Variants in EIF3B observed in about 807,000 individuals in gnomAD.
The protein encoded by EIF3B is eukaryotic translation initiation factor 3 subunit B.
EIF3B carries 10 observed loss-of-function variants against 104.6 expected under a neutral mutation model. The observed-to-expected ratio is 0.10, with a 90% CI of 0.06 to 0.16. The LOEUF is 0.16. Ranked by LOEUF, EIF3B falls within the 10% of genes least tolerant of loss-of-function variation. The pLI, the probability that EIF3B is intolerant of heterozygous loss-of-function variation, is 1.00. For synonymous variants in EIF3B, 542 were observed against 417.2 expected, an observed-to-expected ratio of 1.30 and a Z score of -3.65; for missense variants, 1,014 against 1,087.9, an observed-to-expected ratio of 0.93 and a Z score of 0.96.
At chr7:2,355,597 G>C (rs1158901633) in intron 1 of EIF3B, among the ~76,000 whole-genome samples, 177 bp downstream of exon 1, 1 of 152,298 alleles carries the variant, frequency 6.6e-6, no homozygotes, top group East Asian at 1.9e-4. Flanking sequence ...AGTGTTCTGA[G>C]AGCCCAGCGC....
intron 6 of EIF3B, among the ~76,000 whole-genome samples, chr7:2,365,114 G>A (rs191632629): frequency 6.6e-6 from 1 of 152,320 alleles, no homozygotes; most frequent in Admixed American, 6.5e-5. Context: ...CATGACATAT[G>A]GCTAATTTTA....
intron 1 of EIF3B, among the ~76,000 whole-genome samples, chr7:2,357,753 C>T (rs146526196): frequency 5.5e-4 from 83 of 152,264 alleles, no homozygotes; most frequent in African/African-American, 2.0e-3. Flanking sequence ...GTGATCAAGG[C>T]GTTGTGTCTT....
intron 6 of EIF3B, 35 bp downstream of exon 6, chr7:2,364,564 A>G: frequency 6.3e-7 from 1 of 1,581,374 alleles, no homozygotes; most frequent in Non-Finnish European, 8.6e-7. Context: ...GAGTCTATGC[A>G]TTTCACCCCA....
chr7:2,374,319 C>CG (rs921447763), intron 12 of EIF3B: 9 of 496,836 alleles, frequency 1.8e-5, no homozygotes, highest in Non-Finnish European at 3.3e-5. Context: ...ATACCCCTGT[C>CG]GCATCTTCTT....
At position 2,362,022 on chromosome 7, in the gene EIF3B, C is replaced by G. The variant is rs184955153; in HGVS notation, c.693-623C>G. On this transcript the variant is annotated intron_variant, in intron 2 of 18. Coordinates refer to ENST00000360876, the MANE Select transcript of EIF3B (RefSeq NM_001037283.2). ...TCACCCAGGCTGGAGTGCAGTGGCA[C>G]GATCTTGGCTCACTGCAACCTCCGC... 9.7e-3 allele frequency among the ~76,000 whole-genome samples: 1,460 copies of G among 150,592 alleles called. 20 individuals are homozygous for G. Among genetic ancestry groups the G allele is most frequent in the African/African-American group, 0.029 (1,193 of 40,974 alleles).
At position 2,362,777 on chromosome 7, in the gene EIF3B, T is replaced by G; in HGVS notation, c.812+13T>G. 1 of 1,614,076 alleles carries G rather than the reference T, an allele frequency of 6.2e-7. No individual in the cohort carries two copies. The highest frequency in any genetic ancestry group is 8.5e-7 in the Non-Finnish European group (1 of 1,180,002). Reference sequence around the variant, plus strand: ...CGGATTTTGACAAGTGAGTTCAGACTTGGCCACAAGGAAGTGGACGTTGAC... The same window carrying G: ...CGGATTTTGACAAGTGAGTTCAGACGTGGCCACAAGGAAGTGGACGTTGAC... On this transcript the variant is annotated intron_variant, in intron 3 of 18. Coordinates refer to ENST00000360876, the MANE Select transcript of EIF3B (RefSeq NM_001037283.2).
chr7:2,366,198 T>G, intron 6 of EIF3B, 119 bp from the exon 7 acceptor site: 7 of 1,057,770 alleles, frequency 6.6e-6, no homozygotes, highest in African/African-American at 1.6e-5. Context: ...GGCCGGGCAG[T>G]GTGGGGTTTG....
intron 1 of EIF3B, among the ~76,000 whole-genome samples, chr7:2,358,692 C>T (rs1779583359): frequency 6.6e-6 from 1 of 151,830 alleles, no homozygotes; most frequent in Non-Finnish European, 1.5e-5. Context: ...ATGCTTGGAT[C>T]ATTTTTCTCG....
Position 2,379,218 on chromosome 7 carries a change from A to G in EIF3B, c.2317A>G (p.Asn773Asp). ...CCAGGAGCTCTATATGGAGCAGAAA[A>G]ACGAGCGCCTGGAGTTGCGAGGAGG... ...MAQELYMEQK[N>D]ERLELRGGVD... The change falls in exon 17 of 19, where the codon AAC (asparagine) becomes GAC (aspartate). Residue 773 changes from asparagine to aspartate, a missense_variant. By Grantham distance (23) the Asn-to-Asp change is conservative. This residue lies in a region of EIF3B where 266 missense variants were observed against 324.0 expected (regional missense o/e 0.82). Transcript: ENST00000360876. The G allele has an allele frequency of 1.9e-6, 3 of 1,613,202 alleles. No individual in the cohort carries two copies. The highest frequency in any genetic ancestry group is 2.5e-6 in the Non-Finnish European group (3 of 1,179,626).
Position 2,366,301 on chromosome 7 carries a change from T to C in EIF3B, c.1158-16T>C. 6.3e-7 allele frequency: 1 copy of C among 1,592,730 alleles called. No homozygotes were observed. The highest frequency in any genetic ancestry group is 1.8e-5 in the Admixed American group (1 of 57,104). ...GTGAGAGGAGGATAGTGTACAGTGT[T>C]GCCCTTCTCTTCTAGGTACCTGGTG... On this transcript the variant is annotated splice_polypyrimidine_tract_variant and intron_variant, in intron 6 of 18. Coordinates refer to ENST00000360876, the MANE Select transcript of EIF3B (RefSeq NM_001037283.2).
Position 2,375,460 on chromosome 7 carries a change from C to T in EIF3B, c.1961C>T (p.Ala654Val). ...TVMNIAEHYM[A>V]SDVEWDPTGR... The stretch of plus-strand genomic sequence containing the variant: ...ATGAACATCGCAGAGCACTACATGG[C>T]TTCCGACGTCGAATGGGATCCTACT... The change falls in exon 14 of 19, where the codon GCT (alanine) becomes GTT (valine). Residue 654 changes from alanine (A) to valine (V), a missense_variant. Physicochemically the swap from Ala to Val is moderately conservative, Grantham distance 64. This residue lies in a region of EIF3B where 266 missense variants were observed against 324.0 expected (regional missense o/e 0.82). Coordinates refer to ENST00000360876, the MANE Select transcript of EIF3B (RefSeq NM_001037283.2). 1 of 1,614,216 alleles carries T rather than the reference C, an allele frequency of 6.2e-7. No homozygotes were observed. Among genetic ancestry groups the T allele is most frequent in the Non-Finnish European group, 8.5e-7 (1 of 1,180,036 alleles).
In EIF3B at chr7:2,380,239, A is replaced by G. The variant is rs765440053; in HGVS notation, c.*50A>G. 3 of 457,150 alleles carry G rather than the reference A, an allele frequency of 6.6e-6. No homozygotes were observed. Among genetic ancestry groups the G allele is most frequent in the Non-Finnish European group, 1.3e-5 (3 of 229,124 alleles). The allele number at this position is 457,150 out of a possible 1,614,324, so 28.3% of individuals were successfully genotyped here. ...CCGCCTGCTGTTCCCGCGCTGAGCT[A>G]CAGGACTCCCGAGTGTGAGCCGCGG... On this transcript the variant is annotated 3_prime_UTR_variant, in exon 19 of 19. Transcript: ENST00000360876.
chr7:2,375,145 T>G, intron 13 of EIF3B: 1 of 526,516 alleles, frequency 1.9e-6, no homozygotes, highest in Non-Finnish European at 3.4e-6. Context: ...GGAGGCTTAC[T>G]TAGCCTCAGA....
chr7:2,374,181 T>C (rs747615986), intron 12 of EIF3B: 1 of 199,446 alleles, frequency 5.0e-6, no homozygotes, highest in Non-Finnish European at 1.0e-5. Context: ...GCTAGGAGAG[T>C]GGCTTTGGTC....
intron 16 of EIF3B, 161 bp downstream of exon 16, chr7:2,378,927 G>A (rs924999334): frequency 2.6e-6 from 2 of 771,906 alleles, no homozygotes; most frequent in South Asian, 1.8e-5. Flanking sequence ...ACTGGGGTTG[G>A]CACGGGGACT....
chr7:2,356,461 G>A (rs1779447082), intron 1 of EIF3B, among the ~76,000 whole-genome samples: 1 of 152,042 alleles, frequency 6.6e-6, no homozygotes, highest in African/African-American at 2.4e-5. Flanking sequence ...AATTAGCCGG[G>A]CGTGGTGGCG....
At chr7:2,379,915 G>C (rs563231897) in intron 18 of EIF3B, 10 of 257,840 alleles carry the variant, frequency 3.9e-5, no homozygotes, top group South Asian at 3.7e-4. Context: ...AGCCTTCCAA[G>C]TCGGGGGCTG....
chr7:2,363,781 G>A (rs375836962), intron 5 of EIF3B, 21 bp downstream of exon 5: 2 of 1,610,392 alleles, frequency 1.2e-6, no homozygotes, highest in East Asian at 4.5e-5. Flanking sequence ...GCTGCTGCTG[G>A]GGGCGGGGAC....
At chr7:2,364,154 C>T (rs1010596546) in intron 5 of EIF3B, among the ~76,000 whole-genome samples, 2 of 151,960 alleles carry the variant, frequency 1.3e-5, no homozygotes, top group African/African-American at 2.4e-5. Context: ...CCCCGCTACT[C>T]GGGAGGCTGA....
Sources: gnomAD v4.1 joint callset for allele counts (sites outside exome capture counted in the v4.1 genomes callset) on GRCh38, gnomAD v4.1.1 for gene constraint, gnomAD v4.1.1 regional missense constraint, MANE v1.5 for transcripts, NCBI Gene and HGNC (gene_info 2026-07-23, HGNC 2026-07-21) for gene names.